Variants in MTUS2 observed in about 807,000 individuals in gnomAD.
MTUS2 encodes microtubule associated scaffold protein 2.
In MTUS2, 40 loss-of-function variants were observed where a neutral mutation model predicts 114.1. That is an observed-to-expected ratio of 0.35 (90% confidence interval 0.27 to 0.46). The LOEUF is 0.46. Among genes scored for constraint, MTUS2 ranks in the 20% least tolerant of loss-of-function variants. The pLI is 1.00. For missense variants in MTUS2, 1,679 were observed against 1,705.4 expected, an observed-to-expected ratio of 0.98 and a Z score of 0.27; for synonymous variants, 688 against 672.0, an observed-to-expected ratio of 1.02 and a Z score of -0.37.
chr13:29,487,719 A>T (rs1444066687), intron 10 of MTUS2, 181 bp from the exon 11 acceptor site: 5 of 614,388 alleles, frequency 8.1e-6, no homozygotes, highest in African/African-American at 1.8e-5. Context: ...AGGTTGTGGC[A>T]GTGACCTCCC....
intron 5 of MTUS2, among the ~76,000 whole-genome samples, chr13:29,153,224 G>T (rs1892728482): frequency 6.6e-6 from 1 of 152,144 alleles, no homozygotes; most frequent in Admixed American, 6.5e-5. Flanking sequence ...TTCCTAGCAA[G>T]ACAAGACAGT....
chr13:28,952,808 TG>T (rs1353925411), intron 2 of MTUS2, among the ~76,000 whole-genome samples: 1 of 152,256 alleles, frequency 6.6e-6, no homozygotes, highest in African/African-American at 2.4e-5. Flanking sequence ...TACTGTTCCA[TG>T]GTATGGACCT....
chr13:29,228,068 A>AAGAATCTGTCTCAC (rs1896180994), intron 5 of MTUS2, among the ~76,000 whole-genome samples: 1 of 152,186 alleles, frequency 6.6e-6, no homozygotes, highest in Non-Finnish European at 1.5e-5. Context: ...TCTTACTCCT[A>AAGAATCTGTCTCAC]AGAATCTGTC....
At chr13:29,200,536 T>TTTTTTTTC (rs1281490680) in intron 5 of MTUS2, among the ~76,000 whole-genome samples, 3 of 146,882 alleles carry the variant, frequency 2.0e-5, no homozygotes, top group Non-Finnish European at 3.0e-5. Flanking sequence ...TTTTTTTTTT[T>TTTTTTTTC]TGAGATGGAG....
intron 2 of MTUS2, among the ~76,000 whole-genome samples, chr13:28,910,142 A>G (rs1351437373): frequency 6.6e-6 from 1 of 151,932 alleles, no homozygotes; most frequent in Non-Finnish European, 1.5e-5. Context: ...TTTTTATTTT[A>G]TATCTATTAA....
chr13:28,987,504 A>G (rs1027049351), intron 2 of MTUS2, among the ~76,000 whole-genome samples: 1 of 152,112 alleles, frequency 6.6e-6, no homozygotes, highest in African/African-American at 2.4e-5. Context: ...TGAAATGAAA[A>G]GACAGGACAC....
chr13:29,079,700 A>C (rs552507274), intron 4 of MTUS2, among the ~76,000 whole-genome samples: 173 of 152,284 alleles, frequency 1.1e-3, no homozygotes, highest in African/African-American at 3.9e-3. Context: ...AATTTAGTTC[A>C]CCACAAATAT....
intron 2 of MTUS2, among the ~76,000 whole-genome samples, chr13:28,939,093 T>A (rs1882082645): frequency 6.6e-6 from 1 of 152,250 alleles, no homozygotes; most frequent in Non-Finnish European, 1.5e-5. Flanking sequence ...ATTTTTGTAT[T>A]TCCATTTCAG....
At chr13:29,174,559 T>G (rs923834492) in intron 5 of MTUS2, among the ~76,000 whole-genome samples, 1 of 152,182 alleles carries the variant, frequency 6.6e-6, no homozygotes, top group Admixed American at 6.5e-5. Flanking sequence ...AATAAAAGAT[T>G]AGCCAAACTG....
intron 4 of MTUS2, among the ~76,000 whole-genome samples, chr13:29,057,568 T>C (rs1888196250): frequency 6.6e-6 from 1 of 152,156 alleles, no homozygotes; most frequent in East Asian, 1.9e-4. Context: ...TTTTTCTGTT[T>C]TTGATCACTG....
chr13:28,919,370 C>T (rs542963885), intron 2 of MTUS2, among the ~76,000 whole-genome samples: 123 of 151,796 alleles, frequency 8.1e-4, no homozygotes, highest in Admixed American at 2.0e-3. Context: ...TTTTTTTTCC[C>T]TTCAGCACTT....
chr13:29,118,738 A>G (rs986904452), intron 5 of MTUS2, among the ~76,000 whole-genome samples: 1 of 152,188 alleles, frequency 6.6e-6, no homozygotes, highest in African/African-American at 2.4e-5. Context: ...CAAAGTCTCA[A>G]GAGAGGCAGC....
At chr13:28,967,813 T>G (rs945327024) in intron 2 of MTUS2, among the ~76,000 whole-genome samples, 1 of 152,110 alleles carries the variant, frequency 6.6e-6, no homozygotes, top group Non-Finnish European at 1.5e-5. Context: ...GAGCCATGAG[T>G]CTGTGTATAT....
At chr13:29,206,100 G>A (rs551123347) in intron 5 of MTUS2, among the ~76,000 whole-genome samples, 4 of 152,024 alleles carry the variant, frequency 2.6e-5, no homozygotes, top group East Asian at 1.9e-4. Context: ...GATTATGGCC[G>A]TTCTTGCTGG....
At chr13:29,492,999 G>T (rs1011993126) in intron 12 of MTUS2, among the ~76,000 whole-genome samples, 1 of 152,204 alleles carries the variant, frequency 6.6e-6, no homozygotes, top group Non-Finnish European at 1.5e-5. Context: ...TCTGCACTTG[G>T]TGTGGTCTGG....
At chr13:29,428,583 C>A (rs375735393) in intron 8 of MTUS2, 38 of 530,384 alleles carry the variant, frequency 7.2e-5, no homozygotes, top group Admixed American at 4.7e-4. Flanking sequence ...CCTGCCTGTC[C>A]CCTCCCTTCC....
chr13:29,228,461 C>T lies in MTUS2; in HGVS notation c.2645-53243C>T, dbSNP rs114588892. 5.1e-3 allele frequency among the ~76,000 whole-genome samples: 776 copies of T among 152,230 alleles called. 6 individuals carry two copies. Among genetic ancestry groups the T allele is most frequent in the African/African-American group, 0.017 (713 of 41,542 alleles). ...TCAGCTTCCTAAGTAGCTGGAACAT[C>T]AGGAGTGTGCCACCACACCTGGCTA... On this transcript the variant is annotated intron_variant, in intron 5 of 15. Transcript: ENST00000612955.
chr13:28,988,315 A>C (rs1884678500), intron 2 of MTUS2, among the ~76,000 whole-genome samples: 1 of 152,212 alleles, frequency 6.6e-6, no homozygotes, highest in Non-Finnish European at 1.5e-5. Flanking sequence ...TTCTAGTTGC[A>C]AAGTGGGAAT....
chr13:29,417,237 A>G (rs988613224), intron 8 of MTUS2, among the ~76,000 whole-genome samples: 1 of 152,106 alleles, frequency 6.6e-6, no homozygotes, highest in Non-Finnish European at 1.5e-5. Context: ...TTATTAAATG[A>G]CCAGCTCTCA....
Sources: gnomAD v4.1 joint callset for allele counts (sites outside exome capture counted in the v4.1 genomes callset) on GRCh38, gnomAD v4.1.1 for gene constraint, MANE v1.5 for transcripts, NCBI Gene and HGNC (gene_info 2026-07-23, HGNC 2026-07-21) for gene names.